Variants in PTTG1IP observed in about 807,000 individuals in gnomAD.
PTTG1IP encodes the protein pituitary tumor-transforming gene 1 protein-interacting protein.
Under a neutral mutation model 24.4 loss-of-function variants are expected in PTTG1IP, and 16 were observed. The ratio of observed to expected loss-of-function variants is 0.66; its 90% CI spans 0.44 to 1.00. The LOEUF (loss-of-function observed/expected upper bound fraction) is 1.00. Ranked by LOEUF, PTTG1IP falls within the 50% of genes least tolerant of loss-of-function variation. The pLI, the probability that PTTG1IP is intolerant of heterozygous loss-of-function variation, is 0.00. For missense variants in PTTG1IP, 241 were observed against 245.8 expected (o/e 0.98, Z 0.13); for synonymous variants, 89 against 96.8 (o/e 0.92, Z 0.47).
intron 1 of PTTG1IP, among the ~76,000 whole-genome samples, chr21:44,870,525 CAAAAAAAAAA>C (rs60436978): frequency 1.9e-4 from 15 of 76,966 alleles, no homozygotes; most frequent in Non-Finnish European, 2.4e-4. Flanking sequence ...GACTCCATCT[CAAAAAAAAAA>C]AAAAAAAAAA....
At chr21:44,862,080 G>C (rs1292780287) in intron 2 of PTTG1IP, 4 of 434,800 alleles carry the variant, frequency 9.2e-6, no homozygotes, top group African/African-American at 2.0e-5. Context: ...CATCACACCC[G>C]TGTGTGTGTG....
intron 1 of PTTG1IP, among the ~76,000 whole-genome samples, chr21:44,870,844 G>C (rs2083579323): frequency 6.6e-6 from 1 of 152,220 alleles, no homozygotes; most frequent in Non-Finnish European, 1.5e-5. Context: ...GTTTTCTTCT[G>C]TCAGGATACA....
intron 3 of PTTG1IP, among the ~76,000 whole-genome samples, chr21:44,857,156 C>G (rs1210562386): frequency 6.6e-6 from 1 of 152,214 alleles, no homozygotes; most frequent in Non-Finnish European, 1.5e-5. Flanking sequence ...ACTACTTTTG[C>G]AAATGTGTTT....
rs372394942 is a variant in PTTG1IP, at chr21:44,856,257, G to A, written c.385C>T (p.Pro129Ser). ...CCCRRKRSRK[P>S]DRSEEKAMRE... ...ATGGCCTTCTCCTCACTCCTGTCCG[G>A]CTTCCGGCTCCTCTTCCTCCTGCAG... The change falls in exon 4 of 6, where the codon CCG becomes TCG. Residue 129 changes from proline (P) to serine (S), a missense_variant. Pro to Ser is a moderately conservative substitution (Grantham distance 74). Transcript: ENST00000330938. 3 of 1,614,074 alleles carry A rather than the reference G, an allele frequency of 1.9e-6. No homozygotes were observed. The highest frequency in any genetic ancestry group is 1.3e-5 in the African/African-American group (1 of 75,026).
At position 44,856,356 on chromosome 21, in the gene PTTG1IP, C is replaced by CAA. The variant is rs1569322093; in HGVS notation, c.284_285dup (p.Glu96LeufsTer4). The CAA allele has an allele frequency of 2.5e-6, 4 of 1,611,620 alleles. No individual in the cohort carries two copies. The highest frequency in any genetic ancestry group is 1.1e-5 in the South Asian group (1 of 90,876). On this transcript the variant is annotated frameshift_variant, in exon 4 of 6. Coordinates refer to ENST00000330938, the MANE Select transcript of PTTG1IP (RefSeq NM_004339.4). LOFTEE classifies it high-confidence loss of function. ...ACCGACATGGTGATGATCAGCGCCT[C>CAA]AAAGTTCACTGGAGATTCAAGCACC...
At chr21:44,861,679 C>A in intron 2 of PTTG1IP, 1 of 714,530 alleles carries the variant, frequency 1.4e-6, no homozygotes, top group South Asian at 1.5e-5. Flanking sequence ...GGCCCTGCCT[C>A]GATCAACAGA....
At chr21:44,867,161 G>T (rs1215702003) in intron 1 of PTTG1IP, among the ~76,000 whole-genome samples, 1 of 152,206 alleles carries the variant, frequency 6.6e-6, no homozygotes, top group Admixed American at 6.5e-5. Flanking sequence ...CGTATCAAGG[G>T]ATCTTCTGGA....
chr21:44,868,791 ACTGGGTCTGCCCCCG>A (rs2083562653), intron 1 of PTTG1IP, among the ~76,000 whole-genome samples: 1 of 152,120 alleles, frequency 6.6e-6, no homozygotes, highest in African/African-American at 2.4e-5. Flanking sequence ...TGCCAAGTCC[ACTGGGTCTGCCCCCG>A]AAGATGCCAA....
intron 1 of PTTG1IP, among the ~76,000 whole-genome samples, chr21:44,871,221 G>A (rs565471729): frequency 6.6e-6 from 1 of 151,504 alleles, no homozygotes; most frequent in Admixed American, 6.6e-5. Flanking sequence ...ACTCTGTACA[G>A]TTAGAAAGCC....
intron 5 of PTTG1IP, among the ~76,000 whole-genome samples, chr21:44,854,832 G>T (rs2083436994): frequency 6.6e-6 from 1 of 152,306 alleles, no homozygotes; most frequent in South Asian, 2.1e-4. Context: ...ATGGCAACGA[G>T]CAACGCTCCC....
intron 1 of PTTG1IP, chr21:44,866,040 C>A: frequency 5.6e-6 from 1 of 177,440 alleles, no homozygotes; most frequent in Non-Finnish European, 1.2e-5. Flanking sequence ...GCTCCAACCA[C>A]ACAGAACACC....
chr21:44,854,224 C>T (rs1042192699), intron 5 of PTTG1IP, among the ~76,000 whole-genome samples: 2 of 152,160 alleles, frequency 1.3e-5, no homozygotes. Flanking sequence ...TAAAATACCA[C>T]AAATATATGA....
chr21:44,869,090 T>A (rs2083564825), intron 1 of PTTG1IP, among the ~76,000 whole-genome samples: 1 of 152,204 alleles, frequency 6.6e-6, no homozygotes, highest in East Asian at 1.9e-4. Flanking sequence ...AAACACCCGG[T>A]AAGACCCACT....
intron 5 of PTTG1IP, among the ~76,000 whole-genome samples, chr21:44,854,949 T>C (rs2083437884): frequency 6.6e-6 from 1 of 152,056 alleles, no homozygotes; most frequent in African/African-American, 2.4e-5. Context: ...AGCCCAGAAG[T>C]CTTGGGACTC....
intron 5 of PTTG1IP, among the ~76,000 whole-genome samples, chr21:44,854,803 C>A (rs556987823): frequency 2.0e-5 from 3 of 152,122 alleles, no homozygotes; most frequent in African/African-American, 7.2e-5. Flanking sequence ...TTGGAAGGAG[C>A]GCCTGCCACA....
At chr21:44,866,552 C>T (rs1224484253) in intron 1 of PTTG1IP, among the ~76,000 whole-genome samples, 3 of 129,240 alleles carry the variant, frequency 2.3e-5, no homozygotes, top group Non-Finnish European at 4.9e-5. Flanking sequence ...CCCCCAATCC[C>T]GTAACACACA....
At chr21:44,867,672 G>A (rs1303129897) in intron 1 of PTTG1IP, among the ~76,000 whole-genome samples, 2 of 152,262 alleles carry the variant, frequency 1.3e-5, no homozygotes, top group Admixed American at 6.5e-5. Flanking sequence ...TCACGCAGGC[G>A]TGGAAGGCTG....
chr21:44,854,553 C>T (rs1026458589), intron 5 of PTTG1IP, among the ~76,000 whole-genome samples: 1 of 152,218 alleles, frequency 6.6e-6, no homozygotes, highest in African/African-American at 2.4e-5. Context: ...ACAGAATCAA[C>T]GAAGCACGGC....
chr21:44,856,796 T>TA (rs1334093901), intron 3 of PTTG1IP, among the ~76,000 whole-genome samples: 2 of 152,200 alleles, frequency 1.3e-5, no homozygotes, highest in African/African-American at 4.8e-5. Flanking sequence ...TCTTTTTTTT[T>TA]ATTTAAACCA....
Sources: gnomAD v4.1 joint callset for allele counts (sites outside exome capture counted in the v4.1 genomes callset) on GRCh38, gnomAD v4.1.1 for gene constraint, MANE v1.5 for transcripts, NCBI Gene and HGNC (gene_info 2026-07-23, HGNC 2026-07-21) for gene names.